The following GPHN variants were observed in gnomAD, a reference collection of about 807,000 sequenced individuals.
GPHN encodes gephyrin.
A neutral mutation model predicts 95.5 loss-of-function variants in GPHN; 17 were observed. That is an observed-to-expected ratio of 0.18 (90% CI 0.12 to 0.27). The LOEUF (loss-of-function observed/expected upper bound fraction) is 0.27. Ranked by LOEUF, GPHN falls within the 10% of genes least tolerant of loss-of-function variation. The probability of loss-of-function intolerance (pLI) is 1.00; values close to 1 mark genes in which losing one functional copy is unlikely to be tolerated. For missense variants in GPHN, 660 were observed against 978.1 expected (o/e 0.67, Z 4.34); for synonymous variants, 320 against 322.5 (o/e 0.99, Z 0.08).
the GPHN span, among the ~76,000 whole-genome samples, chr14:67,696,173 A>G: frequency 4.6e-5 from 7 of 152,164 alleles, no homozygotes; most frequent in Non-Finnish European, 1.0e-4. Flanking sequence ...ACACTATAGG[A>G]ATAGTACACT....
At chr14:67,313,903 A>T in the GPHN span, among the ~76,000 whole-genome samples, 1 of 152,066 alleles carries the variant, frequency 6.6e-6, no homozygotes, top group Non-Finnish European at 1.5e-5. Context: ...TATTTGTTTT[A>T]AATCCAGATA....
At chr14:67,496,397 T>TTTTTG in the GPHN span, among the ~76,000 whole-genome samples, 1 of 119,112 alleles carries the variant, frequency 8.4e-6, no homozygotes, top group East Asian at 2.6e-4. Context: ...CGGCGTTTTT[T>TTTTTG]TTTTTTTTTT....
chr14:67,210,882 T>C, the GPHN span, among the ~76,000 whole-genome samples: 1,623 of 152,156 alleles, frequency 0.011, 25 homozygotes, highest in African/African-American at 0.036. Context: ...CATGTGTCTG[T>C]AGTCCCAGCT....
chr14:66,542,556 T>A (rs1410976417), intron 1 of GPHN, among the ~76,000 whole-genome samples: 1 of 152,210 alleles, frequency 6.6e-6, no homozygotes, highest in African/African-American at 2.4e-5. Context: ...CATTAGAATC[T>A]ATTTCCTAAT....
chr14:67,634,635 G>A, the GPHN span, among the ~76,000 whole-genome samples: 261 of 151,288 alleles, frequency 1.7e-3, 14 homozygotes, highest in South Asian at 0.054. Context: ...ATGATGATGA[G>A]TTATTGCTCC....
chr14:67,404,461 A>C, the GPHN span, among the ~76,000 whole-genome samples: 2 of 152,216 alleles, frequency 1.3e-5, no homozygotes, highest in South Asian at 4.2e-4. Flanking sequence ...TGTCTCAAAA[A>C]CAAAACTAAA....
chr14:67,562,133 A>C, the GPHN span: 1 of 1,610,840 alleles, frequency 6.2e-7, no homozygotes, highest in South Asian at 1.1e-5. Flanking sequence ...TACCCGAATC[A>C]CAGCTATTCA....
At chr14:67,332,764 T>C in the GPHN span, 2 of 1,597,102 alleles carry the variant, frequency 1.3e-6, no homozygotes, top group Admixed American at 3.4e-5. Context: ...TCACAGTTTT[T>C]ATCTTCTGTT....
the GPHN span, chr14:67,674,587 G>C: frequency 9.9e-7 from 1 of 1,009,348 alleles, no homozygotes; most frequent in Non-Finnish European, 1.3e-6. Context: ...CCATAACGGC[G>C]ACCGCCGCAC....
intron 4 of GPHN, among the ~76,000 whole-genome samples, chr14:66,849,039 C>T (rs1206365950): frequency 1.3e-5 from 2 of 151,920 alleles, no homozygotes; most frequent in East Asian, 3.9e-4. Context: ...TTAATCCACA[C>T]AAGCCTACAA....
At chr14:66,709,556 T>G (rs1184909595) in intron 2 of GPHN, 2 of 366,318 alleles carry the variant, frequency 5.5e-6, no homozygotes, top group African/African-American at 4.2e-5. Context: ...GTGTAAAATT[T>G]CATCATACTC....
chr14:67,122,086 C>T (rs1185776742), intron 16 of GPHN, among the ~76,000 whole-genome samples, 170 bp from the exon 17 acceptor site: 1 of 152,146 alleles, frequency 6.6e-6, no homozygotes, highest in Non-Finnish European at 1.5e-5. Flanking sequence ...TTCTCATCCT[C>T]CTATACTTTC....
chr14:66,858,796 C>T (rs2062904586), intron 4 of GPHN, among the ~76,000 whole-genome samples: 1 of 152,044 alleles, frequency 6.6e-6, no homozygotes, highest in Non-Finnish European at 1.5e-5. Flanking sequence ...GAGTCCCATG[C>T]CTGGCAGCAT....
chr14:66,944,616 A>T (rs1327216977), intron 8 of GPHN, among the ~76,000 whole-genome samples: 1 of 152,262 alleles, frequency 6.6e-6, no homozygotes, highest in Non-Finnish European at 1.5e-5. Context: ...ACCCTCACTT[A>T]AAAATAAATT....
intron 8 of GPHN, among the ~76,000 whole-genome samples, chr14:66,947,480 C>A (rs2067833397): frequency 1.3e-5 from 2 of 152,192 alleles, no homozygotes; most frequent in Admixed American, 6.5e-5. Flanking sequence ...CTCTTTTATT[C>A]ATATGGTCTA....
intron 3 of GPHN, among the ~76,000 whole-genome samples, chr14:66,789,733 T>A (rs549019866): frequency 8.5e-5 from 13 of 152,292 alleles, no homozygotes; most frequent in African/African-American, 3.1e-4. Context: ...AATCAGCCCA[T>A]CCCCATGGGA....
intron 9 of GPHN, among the ~76,000 whole-genome samples, chr14:67,014,620 A>T (rs1411564100): frequency 3.3e-5 from 5 of 152,208 alleles, no homozygotes; most frequent in Non-Finnish European, 5.9e-5. Flanking sequence ...AAGTCAAGAG[A>T]ACCAAGTTCT....
chr14:67,247,283 T>A, the GPHN span, among the ~76,000 whole-genome samples: 1 of 152,232 alleles, frequency 6.6e-6, no homozygotes, highest in Non-Finnish European at 1.5e-5. Context: ...TTGGTCCTAT[T>A]GTAAATGGTA....
chr14:66,978,650 A>G (rs1382702668), intron 9 of GPHN, among the ~76,000 whole-genome samples: 1 of 152,138 alleles, frequency 6.6e-6, no homozygotes, highest in African/African-American at 2.4e-5. Context: ...CGAAGTCTTC[A>G]ACTCCTAAAC....
Sources: allele counts gnomAD v4.1 joint callset (sites outside exome capture counted in the v4.1 genomes callset), GRCh38; gene constraint gnomAD v4.1.1; transcripts MANE v1.5; gene names NCBI Gene and HGNC (gene_info 2026-07-23, HGNC 2026-07-21).